ZGRF1: variants seen among roughly 807,000 people sequenced by gnomAD.
The protein encoded by ZGRF1 is 5'-3' DNA helicase ZGRF1.
ZGRF1 carries 196 observed loss-of-function variants against 203.5 expected under a neutral mutation model. That is an observed-to-expected ratio of 0.96 (90% confidence interval 0.86 to 1.08). The LOEUF (loss-of-function observed/expected upper bound fraction) is 1.08. Ranked by LOEUF, ZGRF1 falls within the 50% of genes least tolerant of loss-of-function variation. The probability of loss-of-function intolerance (pLI) is 0.00; values close to 1 mark genes in which losing one functional copy is unlikely to be tolerated. For synonymous variants in ZGRF1, 809 were observed against 841.3 expected (o/e 0.96, Z 0.66); for missense variants, 2,326 against 2,416.3 (o/e 0.96, Z 0.78).
intron 16 of ZGRF1, among the ~76,000 whole-genome samples, chr4:112,576,610 C>A (rs1049088741): frequency 6.6e-6 from 1 of 152,096 alleles, no homozygotes; most frequent in African/African-American, 2.4e-5. Flanking sequence ...AAAACCATGG[C>A]ACGAGAACTG....
At chr4:112,589,971 A>T (rs1747877250) in intron 10 of ZGRF1, 97 bp from the exon 11 acceptor site, 3 of 885,754 alleles carry the variant, frequency 3.4e-6, no homozygotes, top group Non-Finnish European at 4.9e-6. Flanking sequence ...AAAAATAATG[A>T]TTTAAAGCAC....
chr4:112,630,918 G>A (rs905748761), intron 3 of ZGRF1, among the ~76,000 whole-genome samples: 1 of 151,930 alleles, frequency 6.6e-6, no homozygotes. Context: ...CAGTAGAATG[G>A]AGAATGGTTA....
intron 20 of ZGRF1, among the ~76,000 whole-genome samples, 174 bp downstream of exon 20, chr4:112,557,976 C>A (rs1741260686): frequency 6.6e-6 from 1 of 152,188 alleles, no homozygotes; most frequent in African/African-American, 2.4e-5. Context: ...ATCCTACTTA[C>A]AAGCTAATTA....
At chr4:112,598,066 T>G (rs1048863580) in intron 10 of ZGRF1, among the ~76,000 whole-genome samples, 1 of 143,260 alleles carries the variant, frequency 7.0e-6, no homozygotes, top group Admixed American at 7.5e-5. Flanking sequence ...TTCAAAGATG[T>G]ACTCCAGCAT....
chr4:112,592,585 A>C (rs1748364610), intron 10 of ZGRF1, among the ~76,000 whole-genome samples: 2 of 152,108 alleles, frequency 1.3e-5, no homozygotes, highest in South Asian at 4.1e-4. Context: ...AATATAACCC[A>C]TTCTCTTCTC....
chr4:112,565,793 T>C (rs1192502030), intron 16 of ZGRF1, among the ~76,000 whole-genome samples: 1 of 152,034 alleles, frequency 6.6e-6, no homozygotes, highest in African/African-American at 2.4e-5. Context: ...AAAACCACAA[T>C]GAGATACCAT....
At chr4:112,579,798 C>T (rs1364279451) in intron 16 of ZGRF1, among the ~76,000 whole-genome samples, 1 of 121,494 alleles carries the variant, frequency 8.2e-6, no homozygotes, top group Non-Finnish European at 1.8e-5. Flanking sequence ...GAAGAACATT[C>T]CAAGCTCATG....
rs554298318 is a variant in ZGRF1 at position 112,602,667 on chromosome 4, T to C, written c.2976+857A>G. 2.0e-5 allele frequency among the ~76,000 whole-genome samples: 3 copies of C among 152,264 alleles called. No individual in the cohort carries two copies. The East Asian group carries it at 5.8e-4, about 29-fold the overall frequency. On this transcript the variant is annotated intron_variant, in intron 10 of 27. Transcript: ENST00000505019. ...CACAAACATCTGAAGAATGGATAAA[T>C]TGGGATATATTTATGCAACAGAATA...
chr4:112,631,797 T>C, intron 3 of ZGRF1, 133 bp downstream of exon 3: 1 of 471,506 alleles, frequency 2.1e-6, no homozygotes, highest in South Asian at 5.0e-5. Context: ...ATGGGGATCA[T>C]TTGAAAATCT....
At position 112,560,912 on chromosome 4, in the gene ZGRF1, A is replaced by T. The variant is rs768044456; in HGVS notation, c.4781T>A (p.Phe1594Tyr). 1 of 1,613,430 alleles carries T rather than the reference A, an allele frequency of 6.2e-7. No homozygotes were observed. The highest frequency in any genetic ancestry group is 1.1e-5 in the South Asian group (1 of 91,062). Reference protein sequence around the residue: ...PPAFTNVSTKFELLSLGATLK... With the variant: ...PPAFTNVSTKYELLSLGATLK... Reference sequence around the variant, plus strand: ...TGTTGCTCCTAGGCTGAGTAGTTCAAATTTTGTACTGACATTTGTGAAGGC... The same window carrying T: ...TGTTGCTCCTAGGCTGAGTAGTTCATATTTTGTACTGACATTTGTGAAGGC... Residue 1594 changes from phenylalanine to tyrosine, a missense_variant, in exon 19 of 28, where the codon TTT (phenylalanine) becomes TAT (tyrosine). By Grantham distance (22) the Phe-to-Tyr change is conservative. Transcript: ENST00000505019.
intron 9 of ZGRF1, 45 bp from the exon 10 acceptor site, chr4:112,603,742 G>A: frequency 7.1e-6 from 10 of 1,399,908 alleles, no homozygotes; most frequent in Non-Finnish European, 9.0e-6. Flanking sequence ...ACTATATGTT[G>A]ACATATATAT....
At chr4:112,601,162 A>C (rs113698031) in intron 10 of ZGRF1, among the ~76,000 whole-genome samples, 3,134 of 151,852 alleles carry the variant, frequency 0.021, 121 homozygotes, top group African/African-American at 0.071. Context: ...TATAATCCCA[A>C]CACTTTGGGG....
chr4:112,570,828 G>A (rs1744071103), intron 16 of ZGRF1, among the ~76,000 whole-genome samples: 1 of 152,076 alleles, frequency 6.6e-6, no homozygotes, highest in Non-Finnish European at 1.5e-5. Flanking sequence ...GGTAGGCCAG[G>A]CATGGAGGCT....
chr4:112,559,544 T>C (rs567714090), intron 19 of ZGRF1, among the ~76,000 whole-genome samples: 29 of 152,236 alleles, frequency 1.9e-4, no homozygotes, highest in African/African-American at 6.5e-4. Flanking sequence ...TGAATGAAAA[T>C]ATGAAGTAAG....
In ZGRF1 at chr4:112,541,190, T is replaced by G. The variant is rs1737513621; in HGVS notation, c.5677A>C (p.Lys1893Gln). Residue 1893 changes from lysine (K) to glutamine (Q), a missense_variant, in exon 25 of 28, where the codon AAA (lysine) becomes CAA (glutamine). Coordinates refer to ENST00000505019, the MANE Select transcript of ZGRF1 (RefSeq NM_018392.5). ...GTTACACCATTCATGAGGGCTCCTT[T>G]GTAAAACAGATCATTAGCAATAGCA... is the stretch of plus-strand genomic sequence containing the variant. ...ISAIANDLFY[K>Q]GALMNGVTEI... The G allele has an allele frequency of 6.2e-7, 1 of 1,612,552 alleles. No individual in the cohort carries two copies. The highest frequency in any genetic ancestry group is 8.5e-7 in the Non-Finnish European group (1 of 1,178,980).
Position 112,618,874 on chromosome 4 carries a change from A to C in ZGRF1, c.1168T>G (p.Ser390Ala). Residue 390 changes from serine to alanine, a missense_variant, in exon 6 of 28, where the codon TCA (serine) becomes GCA (alanine). Ser to Ala is a moderately conservative substitution (Grantham distance 99, BLOSUM62 1). Transcript: ENST00000505019. ...EERKKYNVDQ[S>A]VGNNDPSWNQ... Reference sequence around the variant, plus strand: ...CAGGATGGATCATTATTACCGACTGACTGGTCTACATTATACTTTTTCCTC... The same window carrying C: ...CAGGATGGATCATTATTACCGACTGCCTGGTCTACATTATACTTTTTCCTC... 1 of 1,613,584 alleles carries C rather than the reference A, an allele frequency of 6.2e-7. No individual in the cohort carries two copies. Among genetic ancestry groups the C allele is most frequent in the Non-Finnish European group, 8.5e-7 (1 of 1,179,766 alleles).
chr4:112,626,082 G>A (rs1322889890), intron 3 of ZGRF1, among the ~76,000 whole-genome samples: 2 of 152,110 alleles, frequency 1.3e-5, no homozygotes, highest in Admixed American at 1.3e-4. Context: ...GTAGATTTGT[G>A]TTTGCATAGG....
chr4:112,595,693 A>G (rs1335981038), intron 10 of ZGRF1, among the ~76,000 whole-genome samples: 2 of 152,230 alleles, frequency 1.3e-5, no homozygotes, highest in Non-Finnish European at 2.9e-5. Context: ...AGATTAAAAA[A>G]TTCTGGAGAT....
intron 7 of ZGRF1, among the ~76,000 whole-genome samples, chr4:112,612,163 A>T (rs2046705662): frequency 6.6e-6 from 1 of 152,028 alleles, no homozygotes; most frequent in Non-Finnish European, 1.5e-5. Flanking sequence ...ATGGGGTTTC[A>T]CCACATCAGC....
Sources: allele counts gnomAD v4.1 joint callset (sites outside exome capture counted in the v4.1 genomes callset), GRCh38; gene constraint gnomAD v4.1.1; transcripts MANE v1.5; gene names NCBI Gene and HGNC (gene_info 2026-07-23, HGNC 2026-07-21).